The following AHNAK variants were observed in gnomAD, a reference collection of about 807,000 sequenced individuals.
AHNAK encodes AHNAK nucleoprotein.
Under a neutral mutation model 37.8 loss-of-function variants are expected in AHNAK, and 23 were observed. The observed-to-expected ratio is 0.61, with a 90% CI of 0.44 to 0.86. AHNAK has a LOEUF of 0.86. Ranked by LOEUF, AHNAK falls within the 40% of genes least tolerant of loss-of-function variation. The pLI is 0.00. For synonymous variants in AHNAK, 2,481 were observed against 2,636.3 expected, an observed-to-expected ratio of 0.94 and a Z score of 1.80; for missense variants, 7,411 against 7,319.4, an observed-to-expected ratio of 1.01 and a Z score of -0.46.
At chr11:62,543,778 A>C (rs1369407385) in intron 1 of AHNAK, among the ~76,000 whole-genome samples, 1 of 152,214 alleles carries the variant, frequency 6.6e-6, no homozygotes. Context: ...AAGGCCCTCC[A>C]TCCCTGCCAC....
chr11:62,518,601 C>A lies in AHNAK; in HGVS notation c.15816G>T (p.Lys5272Asn), dbSNP rs1392739537. Residue 5272 changes from lysine to asparagine, a missense_variant, in exon 5 of 5, where the codon AAG becomes AAT. Coordinates refer to ENST00000378024, the MANE Select transcript of AHNAK (RefSeq NM_001620.3). The part of the protein sequence containing the change: ...LEGDLRGPDV[K>N]LEGPDVSLKG... Reference sequence around the variant, plus strand: ...TTAGAGAAACATCGGGCCCTTCGAGCTTAACATCTGGTCCTCTCAAGTCTC... The same window carrying A: ...TTAGAGAAACATCGGGCCCTTCGAGATTAACATCTGGTCCTCTCAAGTCTC... 6.2e-7 allele frequency: 1 copy of A among 1,614,084 alleles called. No individual in the cohort carries two copies. The highest frequency in any genetic ancestry group is 8.5e-7 in the Non-Finnish European group (1 of 1,180,052).
intron 4 of AHNAK, among the ~76,000 whole-genome samples, chr11:62,534,637 G>C (rs559681358): frequency 6.6e-6 from 1 of 152,324 alleles, no homozygotes; most frequent in African/African-American, 2.4e-5. Flanking sequence ...GAATGTATCA[G>C]GCCTCTGCAG....
chr11:62,545,936 C>G (rs753127366), intron 1 of AHNAK: 11 of 152,398 alleles, frequency 7.2e-5, no homozygotes, highest in South Asian at 4.1e-4. Context: ...AGCGCACCCC[C>G]CTCCTCGCCC....
chr11:62,500,442 A>G (rs1447367761), intron 4 of AHNAK, among the ~76,000 whole-genome samples: 1 of 152,204 alleles, frequency 6.6e-6, no homozygotes, highest in Non-Finnish European at 1.5e-5. Flanking sequence ...TGATTGGCCC[A>G]GAGAGTCATG....
intron 5 of AHNAK, among the ~76,000 whole-genome samples, chr11:62,473,964 C>T (rs1939092653): frequency 6.6e-6 from 1 of 151,340 alleles, no homozygotes; most frequent in South Asian, 2.1e-4. Flanking sequence ...CAAACCACTA[C>T]ACTCCAGCCT....
At chr11:62,542,250 A>G (rs982754143) in intron 1 of AHNAK, among the ~76,000 whole-genome samples, 1 of 151,692 alleles carries the variant, frequency 6.6e-6, no homozygotes, top group African/African-American at 2.4e-5. Flanking sequence ...CACAATAGAC[A>G]GTTGTCCTGC....
intron 5 of AHNAK, among the ~76,000 whole-genome samples, chr11:62,443,313 C>T (rs367631469): frequency 3.2e-5 from 4 of 125,450 alleles, no homozygotes; most frequent in African/African-American, 1.2e-4. Flanking sequence ...GCTGTTATTG[C>T]CCAGGCTGGA....
chr11:62,472,074 T>C (rs1235445302), intron 5 of AHNAK, among the ~76,000 whole-genome samples: 3 of 151,776 alleles, frequency 2.0e-5, no homozygotes, highest in African/African-American at 7.3e-5. Context: ...AGCCCCCTTG[T>C]TGAGGCAGAG....
At chr11:62,538,373 T>TG (rs1202702911) in intron 1 of AHNAK, among the ~76,000 whole-genome samples, 2 of 152,192 alleles carry the variant, frequency 1.3e-5, no homozygotes, top group Non-Finnish European at 2.9e-5. Flanking sequence ...CAAGGTGAGC[T>TG]GTCATCTGCA....
At chr11:62,483,288 G>A (rs1336176497) in intron 5 of AHNAK, among the ~76,000 whole-genome samples, 2 of 152,158 alleles carry the variant, frequency 1.3e-5, no homozygotes, top group Non-Finnish European at 2.9e-5. Context: ...TACGGGAGTC[G>A]GGGGCCACTC....
At chr11:62,434,737 G>A (rs1938121733) in intron 5 of AHNAK, among the ~76,000 whole-genome samples, 1 of 152,090 alleles carries the variant, frequency 6.6e-6, no homozygotes, top group Admixed American at 6.6e-5. Flanking sequence ...AGACCAGGCT[G>A]ACCAACATGG....
At chr11:62,466,692 T>C (rs1204291814) in intron 5 of AHNAK, among the ~76,000 whole-genome samples, 1 of 152,176 alleles carries the variant, frequency 6.6e-6, no homozygotes, top group Non-Finnish European at 1.5e-5. Context: ...CTCACTAGTT[T>C]ATTTCAGGAA....
intron 1 of AHNAK, among the ~76,000 whole-genome samples, chr11:62,541,054 A>G (rs1463232774): frequency 6.6e-6 from 1 of 152,216 alleles, no homozygotes; most frequent in African/African-American, 2.4e-5. Context: ...AGGAGCCAGT[A>G]TAAAGACAGC....
At position 62,524,719 on chromosome 11, in the gene AHNAK, A is replaced by G. The variant is rs758991914; in HGVS notation, c.9698T>C (p.Met3233Thr). 9 of 1,614,026 alleles carry G rather than the reference A, an allele frequency of 5.6e-6. No individual in the cohort carries two copies. Among genetic ancestry groups the G allele is most frequent in the Admixed American group, 5.0e-5 (3 of 59,998 alleles). Residue 3233 changes from methionine (M) to threonine (T), a missense_variant, in exon 5 of 5, where the codon ATG becomes ACG. Coordinates refer to ENST00000378024, the MANE Select transcript of AHNAK (RefSeq NM_001620.3). ...DLDLNLKGPK[M>T]KGEVDVSLAN... ...AAGTGAAACATCCACCTCTCCTTTC[A>G]TTTTAGGGCCTTTAAGATTGAGGTC...
rs770575968 is a variant in AHNAK, at chr11:62,524,288, C to G, written c.10129G>C (p.Asp3377His). 6.2e-7 allele frequency: 1 copy of G among 1,613,902 alleles called. No homozygotes were observed. The highest frequency in any genetic ancestry group is 8.5e-7 in the Non-Finnish European group (1 of 1,179,982). The change falls in exon 5 of 5, where the codon GAT (aspartate) becomes CAT (histidine). Residue 3377 changes from aspartate (D) to histidine (H), a missense_variant. Coordinates refer to ENST00000378024, the MANE Select transcript of AHNAK (RefSeq NM_001620.3). The part of the protein sequence containing the change: ...PEVDVKGKKP[D>H]IDITGPKVDI... Reference sequence around the variant, plus strand: ...ACTTTTGGACCTGTTATGTCAATATCTGGCTTTTTACCTTTGACATCCACT... The same window carrying G: ...ACTTTTGGACCTGTTATGTCAATATGTGGCTTTTTACCTTTGACATCCACT...
chr11:62,434,886 T>C (rs1029772974), intron 5 of AHNAK, among the ~76,000 whole-genome samples: 1 of 132,732 alleles, frequency 7.5e-6, no homozygotes, highest in Non-Finnish European at 1.5e-5. Flanking sequence ...TGATCCAAGA[T>C]CCTGTCACTG....
rs1321491502 is a variant in AHNAK at position 62,519,347 on chromosome 11, T to C, written c.15070A>G (p.Lys5024Glu). 2 of 1,614,026 alleles carry C rather than the reference T, an allele frequency of 1.2e-6. No individual in the cohort carries two copies. Among genetic ancestry groups the C allele is most frequent in the Admixed American group, 1.7e-5 (1 of 59,992 alleles). ...VGGKGKKSKF[K>E]MPKIHMSGPK... The stretch of plus-strand genomic sequence containing the variant: ...CCACTCATATGAATTTTAGGCATTT[T>C]AAACTTACTTTTCTTGCCCTTGCCA... The change falls in exon 5 of 5, where the codon AAA (lysine) becomes GAA (glutamate). Residue 5024 changes from lysine (K) to glutamate (E), a missense_variant. Lys to Glu is a moderately conservative substitution (Grantham distance 56). Transcript: ENST00000378024.
At chr11:62,480,867 C>T (rs970703786) in intron 5 of AHNAK, among the ~76,000 whole-genome samples, 37 of 146,936 alleles carry the variant, frequency 2.5e-4, no homozygotes, top group South Asian at 4.3e-4. Context: ...AGTTGGAATG[C>T]GCAGCGTGAA....
chr11:62,493,525 G>T (rs1447067493), intron 4 of AHNAK, among the ~76,000 whole-genome samples: 2 of 151,746 alleles, frequency 1.3e-5, no homozygotes, highest in African/African-American at 4.8e-5. Flanking sequence ...GTAGAGACGG[G>T]GTTTCACTAT....
Sources: allele counts gnomAD v4.1 joint callset (sites outside exome capture counted in the v4.1 genomes callset), GRCh38; gene constraint gnomAD v4.1.1; transcripts MANE v1.5; gene names NCBI Gene and HGNC (gene_info 2026-07-23, HGNC 2026-07-21).